The following AK7 variants were observed in gnomAD, a reference collection of about 807,000 sequenced individuals.
AK7 encodes the protein ATP-AMP transphosphorylase 7.
Under a neutral mutation model 96.6 loss-of-function variants are expected in AK7, and 78 were observed. That is an observed-to-expected ratio of 0.81 (90% confidence interval 0.67 to 0.97). AK7 has a LOEUF of 0.97. AK7 is among the 50% of genes least tolerant of loss of function. AK7 has a pLI of 0.00. For synonymous variants in AK7, 302 were observed against 317.2 expected, an observed-to-expected ratio of 0.95 and a Z score of 0.51; for missense variants, 855 against 887.9, an observed-to-expected ratio of 0.96 and a Z score of 0.47.
intron 5 of AK7, among the ~76,000 whole-genome samples, chr14:96,429,225 T>C (rs779056299): frequency 1.3e-5 from 2 of 152,242 alleles, no homozygotes; most frequent in Non-Finnish European, 2.9e-5. Flanking sequence ...GGGAATCCTT[T>C]CCCCTTTTCT....
At chr14:96,404,635 C>G (rs1358281928) in intron 2 of AK7, 122 bp from the exon 3 acceptor site, 3 of 490,536 alleles carry the variant, frequency 6.1e-6, no homozygotes, top group African/African-American at 5.7e-5. Flanking sequence ...AATCCTCCTG[C>G]AAGTGTTTCC....
At chr14:96,467,922 C>T (rs1041581796) in intron 12 of AK7, among the ~76,000 whole-genome samples, 5 of 151,932 alleles carry the variant, frequency 3.3e-5, no homozygotes, top group African/African-American at 1.2e-4. Flanking sequence ...ACTTTTGCTT[C>T]TGCTTCTATA....
At chr14:96,392,362 C>T in intron 1 of AK7, 103 bp downstream of exon 1, 1 of 1,033,074 alleles carries the variant, frequency 9.7e-7, no homozygotes, top group South Asian at 1.5e-5. Context: ...AGGGCGCTGT[C>T]GGGGCCTTTC....
chr14:96,409,118 A>C (rs1446753826), intron 4 of AK7, among the ~76,000 whole-genome samples, 177 bp downstream of exon 4: 1 of 152,184 alleles, frequency 6.6e-6, no homozygotes, highest in Non-Finnish European at 1.5e-5. Context: ...AAGGGATTTC[A>C]TTGTTTTATA....
At chr14:96,392,574 C>A (rs1889814836) in intron 1 of AK7, among the ~76,000 whole-genome samples, 1 of 152,258 alleles carries the variant, frequency 6.6e-6, no homozygotes, top group South Asian at 2.1e-4. Flanking sequence ...AGGCCAGAAC[C>A]TGGACAGAGA....
At position 96,400,102 on chromosome 14, in the gene AK7, G is replaced by A. The variant is rs1435798481; in HGVS notation, c.294+1839G>A. Reference sequence around the variant, plus strand: ...TGCCCAGACTGAAGTGCAGTGGCGCGATCTCGGCTTACTGCAACCTTCGCC... The same window carrying A: ...TGCCCAGACTGAAGTGCAGTGGCGCAATCTCGGCTTACTGCAACCTTCGCC... On this transcript the variant is annotated intron_variant, in intron 2 of 17. Coordinates refer to ENST00000267584, the MANE Select transcript of AK7 (RefSeq NM_152327.5). 4.3e-5 allele frequency among the ~76,000 whole-genome samples: 6 copies of A among 138,054 alleles called. No homozygotes were observed. The East Asian group carries it at 6.5e-4, about 15-fold the overall frequency. The allele number at this position is 138,054 out of a possible 152,430, so 90.6% of individuals were successfully genotyped here. A position where few individuals can be genotyped will look rare whatever the true frequency, so the allele number is the denominator to read the frequency against.
At chr14:96,435,669 G>T (rs190639679) in intron 5 of AK7, among the ~76,000 whole-genome samples, 3 of 152,144 alleles carry the variant, frequency 2.0e-5, no homozygotes, top group Non-Finnish European at 4.4e-5. Flanking sequence ...GACACAGAGC[G>T]CTGTAGCCCT....
At chr14:96,463,455 C>T (rs1010937766) in intron 12 of AK7, among the ~76,000 whole-genome samples, 18 of 152,032 alleles carry the variant, frequency 1.2e-4, no homozygotes, top group Admixed American at 2.6e-4. Context: ...CGCGGTGGCT[C>T]ACTCCTGTAA....
chr14:96,464,057 G>A (rs1894420259), intron 12 of AK7, among the ~76,000 whole-genome samples: 1 of 152,020 alleles, frequency 6.6e-6, no homozygotes, highest in African/African-American at 2.4e-5. Flanking sequence ...TTGAGGGTGA[G>A]CCACAGAGTA....
intron 1 of AK7, among the ~76,000 whole-genome samples, chr14:96,393,294 A>G (rs1889863724): frequency 6.6e-6 from 1 of 152,238 alleles, no homozygotes; most frequent in Non-Finnish European, 1.5e-5. Context: ...GAGGCTAATG[A>G]CTGCACTTTC....
At chr14:96,482,723 T>G (rs1003635259) in intron 15 of AK7, among the ~76,000 whole-genome samples, 3 of 152,184 alleles carry the variant, frequency 2.0e-5, no homozygotes, top group Non-Finnish European at 2.9e-5. Flanking sequence ...TCATTACTTT[T>G]CAGGCAATCC....
At chr14:96,437,360 A>C (rs1892696648) in intron 5 of AK7, among the ~76,000 whole-genome samples, 1 of 152,174 alleles carries the variant, frequency 6.6e-6, no homozygotes, top group Non-Finnish European at 1.5e-5. Context: ...CACAAATATT[A>C]AAAATTAAAA....
At chr14:96,448,745 C>CA (rs775838033) in intron 8 of AK7, among the ~76,000 whole-genome samples, 29 of 150,522 alleles carry the variant, frequency 1.9e-4, no homozygotes, top group Non-Finnish European at 4.0e-4. Context: ...CCCTTGAGGT[C>CA]AGGGGTTTGA....
chr14:96,425,566 C>G (rs1891982198), intron 5 of AK7, among the ~76,000 whole-genome samples: 1 of 147,816 alleles, frequency 6.8e-6, no homozygotes, highest in African/African-American at 2.5e-5. Flanking sequence ...CACTGCAACC[C>G]CTGCCTCCCA....
intron 8 of AK7, 35 bp downstream of exon 8, chr14:96,446,642 T>C: frequency 6.3e-7 from 1 of 1,597,142 alleles, no homozygotes; most frequent in South Asian, 1.1e-5. Context: ...TGATGACATA[T>C]CGTAAATAGT....
chr14:96,419,175 C>A (rs1259226845), intron 4 of AK7, among the ~76,000 whole-genome samples: 2 of 152,116 alleles, frequency 1.3e-5, no homozygotes, highest in African/African-American at 4.8e-5. Context: ...GTTTTTAATT[C>A]CTCATTCCCA....
At position 96,471,360 on chromosome 14, in the gene AK7, A is replaced by C. The variant is rs540645313; in HGVS notation, c.1358-118A>C. 2.3e-5 allele frequency: 12 copies of C among 520,936 alleles called. No homozygotes were observed. In the East Asian group the frequency reaches 4.6e-4, roughly 20 times the overall value. 32.3% of individuals were successfully genotyped at this position (520,936 alleles called of 1,614,324 possible). A position where few individuals can be genotyped will look rare whatever the true frequency, so the allele number is the denominator to read the frequency against. On this transcript the variant is annotated intron_variant, in intron 12 of 17. Transcript: ENST00000267584. ...AAAAAAAAAAAAAAAAAAAAGCAAA[A>C]TAGGGATTTCCAATAGTACCTTTGA...
chr14:96,404,881 T>C lies in AK7; in HGVS notation c.403+16T>C, dbSNP rs1310440758. The stretch of plus-strand genomic sequence containing the variant: ...GCAGTCTCTGGTCAGTGAGGTGTAC[T>C]CTTTTATCTCCAGGGATGCTATTGT... On this transcript the variant is annotated intron_variant, in intron 3 of 17. Transcript: ENST00000267584. The C allele has an allele frequency of 7.0e-6, 11 of 1,560,708 alleles. No homozygotes were observed. The highest frequency in any genetic ancestry group is 9.7e-6 in the Non-Finnish European group (11 of 1,134,728).
chr14:96,399,891 C>CCATATAG lies in AK7; in HGVS notation c.294+1630_294+1636dup, dbSNP rs1890306077. 6.6e-6 allele frequency among the ~76,000 whole-genome samples: 1 copy of CCATATAG among 152,104 alleles called. No homozygotes were observed. Among genetic ancestry groups the CCATATAG allele is most frequent in the South Asian group, 2.1e-4 (1 of 4,824 alleles). ...TATCCAACCCTATAGCTTCAGCTCCCCATATAGCCAGTGCTTTTTTTGCCT... is the reference window on the plus strand; with the variant it reads ...TATCCAACCCTATAGCTTCAGCTCCCCATATAGCATATAGCCAGTGCTTTTTTTGCCT... On this transcript the variant is annotated intron_variant, in intron 2 of 17. Transcript: ENST00000267584. The surrounding 1 kb of genome is among the most constrained non-coding windows in gnomAD (Gnocchi z 4.1).
Sources: gnomAD v4.1 joint callset for allele counts (sites outside exome capture counted in the v4.1 genomes callset) on GRCh38, gnomAD v4.1.1 for gene constraint, Gnocchi (gnomAD v3.1) non-coding constraint, MANE v1.5 for transcripts, NCBI Gene and HGNC (gene_info 2026-07-23, HGNC 2026-07-21) for gene names.